Variants in LTF observed in about 807,000 individuals in gnomAD.
The protein encoded by LTF is epididymis luminal protein 110.
Under a neutral mutation model 87.2 loss-of-function variants are expected in LTF, and 91 were observed. The observed-to-expected ratio is 1.04, with a 90% CI of 0.88 to 1.24. The LOEUF (loss-of-function observed/expected upper bound fraction) is 1.24. Ranked by LOEUF, LTF falls within the 50% of genes most tolerant of loss-of-function variation. The pLI, the probability that LTF is intolerant of heterozygous loss-of-function variation, is 0.00. For synonymous variants in LTF, 378 were observed against 356.1 expected, an observed-to-expected ratio of 1.06 and a Z score of -0.69; for missense variants, 901 against 904.3, an observed-to-expected ratio of 1.00 and a Z score of 0.05.
intron 11 of LTF, 41 bp downstream of exon 11, chr3:46,446,399 G>A: frequency 6.4e-7 from 1 of 1,557,960 alleles, no homozygotes; most frequent in Non-Finnish European, 8.8e-7. Context: ...CCAGCAACAA[G>A]AACTTATCCT....
chr3:46,440,392 A>G (rs1211810861), intron 14 of LTF, among the ~76,000 whole-genome samples: 1 of 152,248 alleles, frequency 6.6e-6, no homozygotes, highest in Non-Finnish European at 1.5e-5. Context: ...CAATTCTAAC[A>G]AAATACAGTT....
Position 46,455,429 on chromosome 3 carries a change from G to T in LTF, c.513C>A (p.Phe171Leu). ...PEPIEAAVAR[F>L]FSASCVPGAD... is the part of the protein sequence containing the mutation. ...CACCGGGAACACAGCTGGCTGAGAA[G>T]AACCTGGCCACAGCTGTTAAACACA... The change falls in exon 5 of 17, where the codon TTC (phenylalanine) becomes TTA (leucine). Residue 171 changes from phenylalanine (F) to leucine (L), a missense_variant. By Grantham distance (22) the Phe-to-Leu change is conservative (BLOSUM62 0). Coordinates refer to ENST00000231751, the MANE Select transcript of LTF (RefSeq NM_002343.6). The T allele has an allele frequency of 3.1e-6, 5 of 1,614,252 alleles. No individual in the cohort carries two copies. The highest frequency in any genetic ancestry group is 1.3e-5 in the African/African-American group (1 of 75,066).
intron 5 of LTF, 91 bp downstream of exon 5, chr3:46,455,204 G>T: frequency 2.0e-6 from 3 of 1,499,848 alleles, no homozygotes; most frequent in Non-Finnish European, 1.8e-6. Context: ...CCAAGAGCAG[G>T]CTGGGCTCTA....
At chr3:46,444,836 G>A (rs1279227167) in intron 12 of LTF, among the ~76,000 whole-genome samples, 7 of 152,176 alleles carry the variant, frequency 4.6e-5, no homozygotes. Context: ...AGGCTCTTGA[G>A]GTCTTATTCA....
intron 6 of LTF, 61 bp downstream of exon 6, chr3:46,454,244 A>T (rs1465228489): frequency 2.8e-6 from 4 of 1,444,046 alleles, no homozygotes; most frequent in Non-Finnish European, 3.9e-6. Context: ...CTCAAAGGTC[A>T]GAGTCATGAT....
intron 1 of LTF, among the ~76,000 whole-genome samples, chr3:46,482,696 G>GA (rs1408089291): frequency 5.7e-5 from 7 of 122,530 alleles, no homozygotes; most frequent in African/African-American, 1.3e-4. Context: ...AGGAAGGAAG[G>GA]AAGGAAGGAA....
chr3:46,470,092 T>C (rs1012157492), intron 2 of LTF, among the ~76,000 whole-genome samples: 1 of 152,186 alleles, frequency 6.6e-6, no homozygotes, highest in African/African-American at 2.4e-5. Context: ...CAAGGGGCAG[T>C]GGAATGAGCT....
At chr3:46,453,163 G>A (rs1403070860) in intron 6 of LTF, among the ~76,000 whole-genome samples, 1 of 152,166 alleles carries the variant, frequency 6.6e-6, no homozygotes, top group African/African-American at 2.4e-5. Flanking sequence ...TTAAAAAGTA[G>A]TCAAATGTCA....
intron 1 of LTF, chr3:46,463,398 C>G: frequency 1.1e-6 from 1 of 932,096 alleles, no homozygotes; most frequent in Non-Finnish European, 1.3e-6. Context: ...AGACAGACTC[C>G]TCCACCCAAT....
chr3:46,444,529 T>C (rs1209240102), intron 12 of LTF, among the ~76,000 whole-genome samples: 1 of 152,328 alleles, frequency 6.6e-6, no homozygotes, highest in East Asian at 1.9e-4. Context: ...ACACTATGTG[T>C]CAACCTCAGG....
chr3:46,483,587 C>T (rs1161040579), intron 1 of LTF, among the ~76,000 whole-genome samples: 1 of 152,136 alleles, frequency 6.6e-6, no homozygotes, highest in East Asian at 1.9e-4. Context: ...GCCCGTGAGG[C>T]CACAAGATAG....
Position 46,455,845 on chromosome 3 carries a change from T to C in LTF, c.450A>G (p.Thr150=). The change falls in exon 4 of 17, where the codon ACA becomes ACG. Residue 150 remains threonine, a synonymous_variant. Coordinates refer to ENST00000231751, the MANE Select transcript of LTF (RefSeq NM_002343.6). ...CCGTCCAATTCAAGAATGGACGAAG[T>C]GTCCCTATAGGGACATTCCATCCAG... ...RTAGWNVPIG[T]LRPFLNWTGP... is the part of the protein sequence containing the mutation. 1 of 1,603,710 alleles carries C rather than the reference T, an allele frequency of 6.2e-7. No individual in the cohort carries two copies. The highest frequency in any genetic ancestry group is 1.1e-5 in the South Asian group (1 of 89,692).
In LTF at chr3:46,449,939, A is replaced by AATG; in HGVS notation, c.969_971dup (p.Ile324dup). ...TCCTCGGGGGCACCCTCGAAAACCCAATGGCAGAGTCCTTGAACAGCAGAT... is the reference window on the plus strand; with the variant it reads ...TCCTCGGGGGCACCCTCGAAAACCCAATGATGGCAGAGTCCTTGAACAGCAGAT... On this transcript the variant is annotated inframe_insertion, in exon 8 of 17. Transcript: ENST00000231751. The AATG allele has an allele frequency of 6.2e-7, 1 of 1,614,104 alleles. No individual in the cohort carries two copies. Among genetic ancestry groups the AATG allele is most frequent in the Non-Finnish European group, 8.5e-7 (1 of 1,180,004 alleles).
At chr3:46,441,355 A>G in intron 14 of LTF, 61 bp downstream of exon 14, 1 of 1,336,918 alleles carries the variant, frequency 7.5e-7, no homozygotes, top group South Asian at 1.3e-5. Context: ...TCTGAACACT[A>G]AGATGTGTTG....
At chr3:46,476,595 C>G (rs1703361854) in intron 1 of LTF, among the ~76,000 whole-genome samples, 1 of 152,140 alleles carries the variant, frequency 6.6e-6, no homozygotes, top group Non-Finnish European at 1.5e-5. Context: ...ACAAATCATA[C>G]ATGTAGAGTT....
chr3:46,443,157 A>T (rs1271828663), intron 13 of LTF, among the ~76,000 whole-genome samples: 1 of 152,158 alleles, frequency 6.6e-6, no homozygotes, highest in Non-Finnish European at 1.5e-5. Flanking sequence ...TACCCATTTG[A>T]TTTTCAGGAC....
At chr3:46,452,986 A>G (rs548276001) in intron 6 of LTF, among the ~76,000 whole-genome samples, 2 of 152,230 alleles carry the variant, frequency 1.3e-5, no homozygotes, top group Non-Finnish European at 2.9e-5. Flanking sequence ...TGTGGATTTG[A>G]CCTTATCAAT....
upstream of LTF, among the ~76,000 whole-genome samples, chr3:46,469,271 CT>C (rs1372101004): frequency 6.6e-6 from 1 of 152,222 alleles, no homozygotes; most frequent in Non-Finnish European, 1.5e-5. Flanking sequence ...GGGCTTTCTC[CT>C]CCATGAGCCA....
Position 46,456,566 on chromosome 3 carries a change from T to C in LTF, c.208-168A>G, listed in dbSNP as rs150218702. Among the ~76,000 whole-genome samples the C allele has an allele frequency of 6.5e-3, 983 of 152,288 alleles. 9 individuals are homozygous for C. The highest frequency in any genetic ancestry group is 0.022 in the African/African-American group (919 of 41,556). On this transcript the variant is annotated intron_variant, in intron 2 of 16. Coordinates refer to ENST00000231751, the MANE Select transcript of LTF (RefSeq NM_002343.6). Reference sequence around the variant, plus strand: ...AGAGATGGTGAGAGCCAAGGACCCCTGTTTTGGGACAGTGAGCACCAGCCC... The same window carrying C: ...AGAGATGGTGAGAGCCAAGGACCCCCGTTTTGGGACAGTGAGCACCAGCCC...
Sources: allele counts gnomAD v4.1 joint callset (sites outside exome capture counted in the v4.1 genomes callset), GRCh38; gene constraint gnomAD v4.1.1; transcripts MANE v1.5; gene names NCBI Gene and HGNC (gene_info 2026-07-23, HGNC 2026-07-21).